Variants in AMACR observed in about 807,000 individuals in gnomAD.
AMACR encodes the protein alpha-methylacyl-CoA racemase, also known as 2-methylacyl-CoA racemase.
AMACR carries 18 observed loss-of-function variants against 22.2 expected under a neutral mutation model. That is an observed-to-expected ratio of 0.81 (90% CI 0.56 to 1.20). The LOEUF is 1.20. Ranked by LOEUF, AMACR falls within the 50% of genes most tolerant of loss-of-function variation. The probability of loss-of-function intolerance (pLI) is 0.00; values close to 1 mark genes in which losing one functional copy is unlikely to be tolerated. For synonymous variants in AMACR, 213 were observed against 191.3 expected, an observed-to-expected ratio of 1.11 and a Z score of -0.94; for missense variants, 499 against 490.6, an observed-to-expected ratio of 1.02 and a Z score of -0.16.
chr5:33,989,557 T>A (rs1225337012), intron 4 of AMACR, 55 bp from the exon 5 acceptor site: 25 of 1,439,574 alleles, frequency 1.7e-5, no homozygotes, highest in Non-Finnish European at 2.2e-5. Context: ...GCAATTATAA[T>A]CAATAAAAAT....
In AMACR at chr5:33,999,444, G is replaced by T. The variant is rs191046171; in HGVS notation, c.553-617C>A. On this transcript the variant is annotated intron_variant, in intron 3 of 4. Coordinates refer to ENST00000335606, the MANE Select transcript of AMACR (RefSeq NM_014324.6). Reference sequence around the variant, plus strand: ...TGCATTTTCTGAGTCCAGGCAAACTGGTTTGGGAATGCCACCTTCCCACTG... The same window carrying T: ...TGCATTTTCTGAGTCCAGGCAAACTTGTTTGGGAATGCCACCTTCCCACTG... Among the ~76,000 whole-genome samples, 16 of 152,312 alleles carry T rather than the reference G, an allele frequency of 1.1e-4. No individual in the cohort carries two copies. The East Asian group carries it at 3.1e-3, about 29-fold the overall frequency.
intron 4 of AMACR, among the ~76,000 whole-genome samples, chr5:33,991,915 A>G (rs1175635036): frequency 6.6e-6 from 1 of 151,472 alleles, no homozygotes; most frequent in Non-Finnish European, 1.5e-5. Context: ...GTCTCACACT[A>G]TTGCCTGGGC....
At position 33,989,276 on chromosome 5, in the gene AMACR, G is replaced by A. The variant is rs906797872; in HGVS notation, c.966C>T (p.Asp322=). The A allele has an allele frequency of 4.0e-5, 65 of 1,613,986 alleles. No homozygotes were observed. The highest frequency in any genetic ancestry group is 7.7e-5 in the South Asian group (7 of 91,078). The change falls in exon 5 of 5, where the codon GAC becomes GAT. Residue 322 remains aspartate (D), a synonymous_variant. Coordinates refer to ENST00000335606, the MANE Select transcript of AMACR (RefSeq NM_014324.6). The part of the protein sequence containing the change: ...RGSFITSEEQ[D]VSPRPAPLLL... ...GCAGAGGTGCAGGGCGGGGGCTCAC[G>A]TCCTGCTCCTCACTGGTGATAAACG...
chr5:34,007,990 C>G lies in AMACR; in HGVS notation c.30G>C (p.Glu10Asp), dbSNP rs1325255339. 3.1e-6 allele frequency: 5 copies of G among 1,611,566 alleles called. No individual in the cohort carries two copies. Among genetic ancestry groups the G allele is most frequent in the Non-Finnish European group, 4.2e-6 (5 of 1,179,778 alleles). The change falls in exon 1 of 5, where the codon GAG becomes GAC. Residue 10 changes from glutamate (E) to aspartate (D), a missense_variant. Glu to Asp is a conservative substitution (Grantham distance 45). Coordinates refer to ENST00000335606, the MANE Select transcript of AMACR (RefSeq NM_014324.6). MALQGISVVELSGLAPGPFC... is the reference protein window; with the variant it reads MALQGISVVDLSGLAPGPFC... The stretch of plus-strand genomic sequence containing the variant: ...ACGGGCCCGGGGCCAGGCCGGACAG[C>G]TCCACGACCGAGATGCCCTGCAGTG...
rs1753409460 is a variant in AMACR at position 33,989,468 on chromosome 5, C to G, written c.774G>C (p.Gln258His). The change falls in exon 5 of 5, where the codon CAG becomes CAC. Residue 258 changes from glutamine (Q) to histidine (H), a missense_variant. Physicochemically the swap from Gln to His is conservative, Grantham distance 24. Coordinates refer to ENST00000335606, the MANE Select transcript of AMACR (RefSeq NM_014324.6). ...LGLKSDELPN[Q>H]MSMDDWPEMK... ...TTTCTGGCCAATCATCCATGCTCAT[C>G]TGATTGGGAAGTTCATCAGACTTTA... 6.2e-7 allele frequency: 1 copy of G among 1,614,186 alleles called. No individual in the cohort carries two copies.
chr5:33,996,969 T>C (rs564247639), intron 4 of AMACR: 10 of 575,196 alleles, frequency 1.7e-5, no homozygotes, highest in South Asian at 1.0e-4. Context: ...CTGGGAGTTG[T>C]CACATTAAAT....
rs973473697 is a variant in AMACR, at chr5:33,987,603, G to C, written c.*1490C>G. On this transcript the variant is annotated 3_prime_UTR_variant, in exon 5 of 5. Transcript: ENST00000335606. ...ATCCTTCTGATAATTTCATATTTTT[G>C]TGAGACTGGGTTTTCCAGGCCATCT... The C allele has an allele frequency of 1.3e-5, 2 of 152,120 alleles. No individual in the cohort carries two copies. The highest frequency in any genetic ancestry group is 4.8e-5 in the African/African-American group (2 of 41,424). The allele number at this position is 152,120 out of a possible 1,614,324, so 9.4% of individuals were successfully genotyped here.
chr5:33,998,930 T>A, intron 3 of AMACR, 103 bp from the exon 4 acceptor site: 1 of 1,052,372 alleles, frequency 9.5e-7, no homozygotes, highest in East Asian at 2.5e-5. Context: ...AAAATTCTTA[T>A]CTTAGAGTAT....
chr5:33,995,667 A>G (rs186127721), intron 4 of AMACR, among the ~76,000 whole-genome samples: 98 of 152,360 alleles, frequency 6.4e-4, no homozygotes, highest in South Asian at 2.9e-3. Context: ...CATCCCCCAC[A>G]GATAAGAGAG....
Position 33,998,747 on chromosome 5 carries a change from G to C in AMACR, c.633C>G (p.Asn211Lys), listed in dbSNP as rs1400865692. ...LSLWEAPRGQ[N>K]MLDGGAPFYT... ...AGAAAGGTGCTCCACCATCCAACATGTTCTGTCCTCGAGGTGCTTCCCACA... is the reference window on the plus strand; with the variant it reads ...AGAAAGGTGCTCCACCATCCAACATCTTCTGTCCTCGAGGTGCTTCCCACA... The change falls in exon 4 of 5, where the codon AAC becomes AAG. Residue 211 changes from asparagine to lysine, a missense_variant. By Grantham distance (94) the Asn-to-Lys change is moderately conservative. Coordinates refer to ENST00000335606, the MANE Select transcript of AMACR (RefSeq NM_014324.6). 1 of 1,614,050 alleles carries C rather than the reference G, an allele frequency of 6.2e-7. No individual in the cohort carries two copies. The highest frequency in any genetic ancestry group is 1.7e-5 in the Admixed American group (1 of 60,000).
intron 2 of AMACR, among the ~76,000 whole-genome samples, chr5:34,005,208 CA>C (rs1196927021): frequency 2.0e-5 from 3 of 152,194 alleles, no homozygotes; most frequent in Non-Finnish European, 4.4e-5. Context: ...GTCCTATAGT[CA>C]ACAACACATG....
In AMACR at chr5:33,988,284, A is replaced by G. The variant is rs969915906; in HGVS notation, c.*809T>C. On this transcript the variant is annotated 3_prime_UTR_variant, in exon 5 of 5. Coordinates refer to ENST00000335606, the MANE Select transcript of AMACR (RefSeq NM_014324.6). ...ACTCAGTCCAAGGAGACACAAAACG[A>G]CTTGCTGGGGGGTCCTGAGATCTTT... 2.6e-6 allele frequency: 4 copies of G among 1,533,088 alleles called. No homozygotes were observed. The highest frequency in any genetic ancestry group is 2.7e-5 in the African/African-American group (2 of 73,032). The allele number at this position is 1,533,088 out of a possible 1,614,324, so 95.0% of individuals were successfully genotyped here. A position where few individuals can be genotyped will look rare whatever the true frequency, so the allele number is the denominator to read the frequency against.
rs1028094986 is a variant in AMACR at position 33,988,610 on chromosome 5, T to A, written c.*483A>T. On this transcript the variant is annotated 3_prime_UTR_variant, in exon 5 of 5. Transcript: ENST00000335606. ...TGATAACTGTTGCTAAAGTTTGGAA[T>A]GTGCTTAGAGGGAGATCATGAACAC... The A allele has an allele frequency of 6.1e-6, 8 of 1,310,516 alleles. No individual in the cohort carries two copies. In the African/African-American group the frequency reaches 1.2e-4, roughly 20 times the overall value. The allele number at this position is 1,310,516 out of a possible 1,614,324, so 81.2% of individuals were successfully genotyped here. A position where few individuals can be genotyped will look rare whatever the true frequency, so the allele number is the denominator to read the frequency against.
intron 4 of AMACR, among the ~76,000 whole-genome samples, chr5:33,990,443 T>G (rs1195960084): frequency 6.6e-6 from 1 of 152,206 alleles, no homozygotes; most frequent in Non-Finnish European, 1.5e-5. Flanking sequence ...CTTGACCCCA[T>G]CTGCGTTTCC....
At chr5:33,989,624 T>C (rs1163242447) in intron 4 of AMACR, 122 bp from the exon 5 acceptor site, 6 of 828,660 alleles carry the variant, frequency 7.2e-6, no homozygotes, top group Admixed American at 5.2e-5. Context: ...GCTTCTCAAA[T>C]GAGTCAAGAG....
At chr5:34,004,072 C>A (rs1395722574) in intron 3 of AMACR, among the ~76,000 whole-genome samples, 1 of 152,188 alleles carries the variant, frequency 6.6e-6, no homozygotes, top group Non-Finnish European at 1.5e-5. Context: ...AGTGAACAAA[C>A]AGAAGTGTTA....
At chr5:33,995,245 G>A (rs1157492083) in intron 4 of AMACR, among the ~76,000 whole-genome samples, 1 of 152,182 alleles carries the variant, frequency 6.6e-6, no homozygotes, top group African/African-American at 2.4e-5. Context: ...TTGTGTTCAA[G>A]TAACCCTTAT....
At position 34,004,657 on chromosome 5, in the gene AMACR, C is replaced by T; in HGVS notation, c.469G>A (p.Gly157Ser). Residue 157 changes from glycine to serine, a missense_variant, in exon 3 of 5, where the codon GGC (glycine) becomes AGC (serine). Physicochemically the swap from Gly to Ser is moderately conservative, Grantham distance 56 (BLOSUM62 0). Transcript: ENST00000335606. ...LNLLADFAGGGLMCALGIIMA... is the reference protein window; with the variant it reads ...LNLLADFAGGSLMCALGIIMA... ...ATAATGCCCAGTGCACACATAAGGC[C>T]ACCACCAGCAAAGTCAGCCAGGAGA... 6.2e-7 allele frequency: 1 copy of T among 1,614,182 alleles called. No homozygotes were observed. Among genetic ancestry groups the T allele is most frequent in the Non-Finnish European group, 8.5e-7 (1 of 1,180,050 alleles).
chr5:33,988,225 G>T lies in AMACR; in HGVS notation c.*868C>A. 2.4e-6 allele frequency: 3 copies of T among 1,253,020 alleles called. No individual in the cohort carries two copies. Among genetic ancestry groups the T allele is most frequent in the Non-Finnish European group, 2.2e-6 (2 of 903,130 alleles). 77.6% of individuals were successfully genotyped at this position (1,253,020 alleles called of 1,614,324 possible). ...ATGTAAAGACAATCCCGTCTTCTTT[G>T]TCAAAGACAGGTATAAGAAAGGCTT... On this transcript the variant is annotated 3_prime_UTR_variant, in exon 5 of 5. Transcript: ENST00000335606.
Sources: gnomAD v4.1 joint callset for allele counts (sites outside exome capture counted in the v4.1 genomes callset) on GRCh38, gnomAD v4.1.1 for gene constraint, MANE v1.5 for transcripts, NCBI Gene and HGNC (gene_info 2026-07-23, HGNC 2026-07-21) for gene names.